The following CHN1 variants were observed in gnomAD, a reference collection of about 807,000 sequenced individuals.
The protein encoded by CHN1 is chimerin 1, also known as N-chimaerin.
Under a neutral mutation model 59.5 loss-of-function variants are expected in CHN1, and 37 were observed. That is an observed-to-expected ratio of 0.62 (90% CI 0.48 to 0.82). The LOEUF is 0.82. Among genes scored for constraint, CHN1 ranks in the 40% least tolerant of loss-of-function variants. CHN1 has a pLI of 0.00. For synonymous variants in CHN1, 206 were observed against 200.4 expected, an observed-to-expected ratio of 1.03 and a Z score of -0.24; for missense variants, 469 against 571.0, an observed-to-expected ratio of 0.82 and a Z score of 1.82.
chr2:174,991,513 G>C (rs1691548304), intron 1 of CHN1, among the ~76,000 whole-genome samples: 8 of 152,148 alleles, frequency 5.3e-5, no homozygotes, highest in Admixed American at 5.2e-4. Context: ...AAATATAACA[G>C]TATAAATGTA....
chr2:174,846,493 T>C, intron 7 of CHN1: 4 of 1,430,522 alleles, frequency 2.8e-6, no homozygotes, highest in East Asian at 2.6e-5. Flanking sequence ...ATGCCTCTTA[T>C]ATCCAAAGCT....
At chr2:174,814,451 C>T (rs2105386866) in intron 8 of CHN1, among the ~76,000 whole-genome samples, 1 of 152,306 alleles carries the variant, frequency 6.6e-6, no homozygotes, top group East Asian at 1.9e-4. Flanking sequence ...AAAAGATCTC[C>T]TGTCTCCTGA....
intron 6 of CHN1, chr2:174,847,843 T>G: frequency 2.3e-6 from 1 of 443,142 alleles, no homozygotes; most frequent in Non-Finnish European, 4.2e-6. Flanking sequence ...CATGCATTAT[T>G]GCAAAATGGA....
chr2:174,950,253 T>C (rs212382), intron 2 of CHN1, among the ~76,000 whole-genome samples: 4,187 of 146,798 alleles, frequency 0.029, 191 homozygotes, highest in African/African-American at 0.096. Context: ...ATCTCTCTCT[T>C]TTTTTTTTTA....
In CHN1 at chr2:174,952,185, G is replaced by T. The variant is rs1690043636; in HGVS notation, c.37C>A (p.Pro13Thr). The part of the protein sequence containing the change: ...LTLFDTDEYR[P>T]PVWKSYLYQL... ...TTACAGTAAGATTTCCAAACAGGAG[G>T]TCTATATTCATCTGTATCTGAAAGA... The change falls in exon 2 of 13, where the codon CCT becomes ACT. Residue 13 changes from proline (P) to threonine (T), a missense_variant. Coordinates refer to ENST00000409900, the MANE Select transcript of CHN1 (RefSeq NM_001822.7). 2 of 1,463,876 alleles carry T rather than the reference G, an allele frequency of 1.4e-6. No individual in the cohort carries two copies. Among genetic ancestry groups the T allele is most frequent in the Non-Finnish European group, 1.8e-6 (2 of 1,105,434 alleles). The allele number at this position is 1,463,876 out of a possible 1,614,324, so 90.7% of individuals were successfully genotyped here. A position where few individuals can be genotyped will look rare whatever the true frequency, so the allele number is the denominator to read the frequency against.
chr2:174,962,683 G>A (rs1451755581), intron 1 of CHN1, among the ~76,000 whole-genome samples: 1 of 74,912 alleles, frequency 1.3e-5, no homozygotes, highest in Non-Finnish European at 2.8e-5. Flanking sequence ...GGGGGGGGGG[G>A]CAGATCACCT....
chr2:174,885,315 A>G (rs2105341241), intron 5 of CHN1, among the ~76,000 whole-genome samples: 1 of 151,276 alleles, frequency 6.6e-6, no homozygotes, highest in South Asian at 2.1e-4. Context: ...GAGAGAGAGA[A>G]ATTACATATA....
chr2:174,940,296 A>G (rs1689618697), intron 3 of CHN1, among the ~76,000 whole-genome samples: 1 of 152,134 alleles, frequency 6.6e-6, no homozygotes, highest in African/African-American at 2.4e-5. Context: ...CAAAGTGCCG[A>G]GATTATAGGC....
intron 8 of CHN1, among the ~76,000 whole-genome samples, chr2:174,818,038 G>A (rs1214530044): frequency 6.6e-6 from 1 of 152,192 alleles, no homozygotes; most frequent in African/African-American, 2.4e-5. Flanking sequence ...CTCCCAAAGT[G>A]CTGGGATTAT....
rs140959919 is a variant in CHN1 at position 174,947,579 on chromosome 2, A to C, written c.59-2636T>G. Among the ~76,000 whole-genome samples, 555 of 150,046 alleles carry C rather than the reference A, an allele frequency of 3.7e-3. 4 individuals carry two copies. Among genetic ancestry groups the C allele is most frequent in the African/African-American group, 0.013 (532 of 40,646 alleles). On this transcript the variant is annotated intron_variant, in intron 2 of 12. Transcript: ENST00000409900. ...GACTCACTGCAGCCTCAACCTCCCG[A>C]GTTCAAGCAAGCCTTATGCCGCAGA...
chr2:174,867,378 CAA>C (rs371650645), intron 6 of CHN1, among the ~76,000 whole-genome samples: 5 of 116,948 alleles, frequency 4.3e-5, no homozygotes, highest in Admixed American at 9.0e-5. Context: ...GACTCTGTCT[CAA>C]AAAAAAAAAA....
chr2:174,929,672 C>G (rs1279080381), intron 3 of CHN1, among the ~76,000 whole-genome samples: 1 of 152,144 alleles, frequency 6.6e-6, no homozygotes, highest in African/African-American at 2.4e-5. Context: ...AAAAATCAGA[C>G]TGCATTGGAA....
intron 5 of CHN1, among the ~76,000 whole-genome samples, chr2:174,913,149 C>A (rs368617914): frequency 1.1e-4 from 16 of 152,214 alleles, no homozygotes; most frequent in African/African-American, 3.9e-4. Context: ...AGATGACAGG[C>A]AATGTGGTAA....
chr2:174,860,363 T>A (rs1434200416), intron 6 of CHN1, among the ~76,000 whole-genome samples: 1 of 152,160 alleles, frequency 6.6e-6, no homozygotes, highest in Non-Finnish European at 1.5e-5. Context: ...TGAGTAATTA[T>A]ATAATTAGGA....
intron 2 of CHN1, among the ~76,000 whole-genome samples, chr2:174,949,033 A>G (rs983618851): frequency 3.3e-5 from 5 of 152,308 alleles, no homozygotes; most frequent in African/African-American, 1.2e-4. Context: ...TCAGTTATTT[A>G]AAATTCCAGT....
rs1688808233 is a variant in CHN1 at position 174,915,088 on chromosome 2, C to T, written c.230G>A (p.Arg77Gln). 2 of 1,611,856 alleles carry T rather than the reference C, an allele frequency of 1.2e-6. No homozygotes were observed. The highest frequency in any genetic ancestry group is 3.3e-4 in the Middle Eastern group (2 of 6,054). The change falls in exon 5 of 13, where the codon CGG (arginine) becomes CAG (glutamine). Residue 77 changes from arginine (R) to glutamine (Q), a missense_variant. This residue lies in a region of CHN1 where 152 missense variants were observed against 166.1 expected (regional missense o/e 0.92). Transcript: ENST00000409900. ...AGCCAAAGTGTAGGTCCCTGGCTGC[C>T]GCTGGCTCTCCCGGATGAGGTAGCT... ...EGSYLIRESQ[R>Q]QPGTYTLALR...
At chr2:174,924,351 T>C (rs1388460285) in intron 3 of CHN1, among the ~76,000 whole-genome samples, 1 of 152,340 alleles carries the variant, frequency 6.6e-6, no homozygotes, top group East Asian at 1.9e-4. Context: ...CTTACCACCC[T>C]GCCAAGCCCA....
chr2:174,847,111 C>A lies in CHN1; in HGVS notation c.550-154G>T, dbSNP rs141304713. 130 of 1,550,736 alleles carry A rather than the reference C, an allele frequency of 8.4e-5. No homozygotes were observed. In the African/African-American group the frequency reaches 1.6e-3, roughly 20 times the overall value. ...CAGCCCTATTAGTTTTCCTCCCTGACCAAGACTCTTTGGATGGCATTTTGG... is the reference window on the plus strand; with the variant it reads ...CAGCCCTATTAGTTTTCCTCCCTGAACAAGACTCTTTGGATGGCATTTTGG... On this transcript the variant is annotated intron_variant, in intron 6 of 12. Coordinates refer to ENST00000409900, the MANE Select transcript of CHN1 (RefSeq NM_001822.7).
At chr2:174,855,975 CA>C in intron 6 of CHN1, among the ~76,000 whole-genome samples, 4 of 152,202 alleles carry the variant, frequency 2.6e-5, no homozygotes, top group African/African-American at 9.6e-5. Flanking sequence ...CTGTTATTAA[CA>C]TGCCATTTTG....
Sources: allele counts gnomAD v4.1 joint callset (sites outside exome capture counted in the v4.1 genomes callset), GRCh38; gene constraint gnomAD v4.1.1; regional missense constraint gnomAD v4.1.1; transcripts MANE v1.5; gene names NCBI Gene and HGNC (gene_info 2026-07-23, HGNC 2026-07-21).